UNC5D: variants seen among roughly 807,000 people sequenced by gnomAD.
UNC5D encodes the protein netrin receptor UNC5D.
Under a neutral mutation model 105.4 loss-of-function variants are expected in UNC5D, and 39 were observed. That is an observed-to-expected ratio of 0.37 (90% CI 0.29 to 0.48). The LOEUF is 0.48. Among genes scored for constraint, UNC5D ranks in the 20% least tolerant of loss-of-function variants. The probability of loss-of-function intolerance (pLI) is 0.98; values close to 1 mark genes in which losing one functional copy is unlikely to be tolerated. For missense variants in UNC5D, 991 were observed against 1,202.4 expected, an observed-to-expected ratio of 0.82 and a Z score of 2.60; for synonymous variants, 452 against 450.4, an observed-to-expected ratio of 1.00 and a Z score of -0.04.
Position 35,528,059 on chromosome 8 carries a change from T to C in UNC5D, c.104-21233T>C, listed in dbSNP as rs868099649. 3.7e-3 allele frequency among the ~76,000 whole-genome samples: 556 copies of C among 151,264 alleles called. 2 individuals carry two copies. Among genetic ancestry groups the C allele is most frequent in the African/African-American group, 0.013 (526 of 41,132 alleles). ...AGCTGGTTTTTTTTTTTTTTTTTTTTTTATACTTTAAGTTTTAGGGTACAT... is the reference window on the plus strand; with the variant it reads ...AGCTGGTTTTTTTTTTTTTTTTTTTCTTATACTTTAAGTTTTAGGGTACAT... On this transcript the variant is annotated intron_variant, in intron 1 of 16. Coordinates refer to ENST00000404895, the MANE Select transcript of UNC5D (RefSeq NM_080872.4).
chr8:35,546,790 T>A (rs937565237), intron 1 of UNC5D, among the ~76,000 whole-genome samples: 3 of 151,442 alleles, frequency 2.0e-5, no homozygotes, highest in Non-Finnish European at 4.4e-5. Context: ...ATTTTAAATA[T>A]AATTAAAATA....
chr8:35,668,358 A>ATATT (rs1213483073), intron 4 of UNC5D, among the ~76,000 whole-genome samples: 1 of 152,138 alleles, frequency 6.6e-6, no homozygotes, highest in East Asian at 1.9e-4. Flanking sequence ...AATGCAGAAT[A>ATATT]TATTTAATAT....
intron 1 of UNC5D, among the ~76,000 whole-genome samples, chr8:35,422,694 T>C (rs1032383231): frequency 6.6e-6 from 1 of 152,174 alleles, no homozygotes; most frequent in Admixed American, 6.5e-5. Context: ...ATCATAGTAA[T>C]GGAGAAAAGG....
chr8:35,748,386 G>A, intron 11 of UNC5D, 141 bp from the exon 12 acceptor site: 1 of 839,976 alleles, frequency 1.2e-6, no homozygotes, highest in African/African-American at 1.7e-5. Context: ...TTGTTCTCCA[G>A]ACCAGTCCTT....
Position 35,726,120 on chromosome 8 carries a change from T to C in UNC5D, c.1304-32T>C, listed in dbSNP as rs73584880. On this transcript the variant is annotated intron_variant, in intron 9 of 16. Coordinates refer to ENST00000404895, the MANE Select transcript of UNC5D (RefSeq NM_080872.4). ...AGGAGTAACTGAGATGCCTTTTAGT[T>C]TCTGAGTGACAGATCAATTTTCTTT... The C allele has an allele frequency of 5.3e-3, 8,455 of 1,584,852 alleles. 434 individuals are homozygous for C. In the African/African-American group the frequency reaches 0.1, roughly 19 times the overall value.
chr8:35,595,488 C>T, intron 3 of UNC5D, 66 bp from the exon 4 acceptor site: 8 of 1,470,158 alleles, frequency 5.4e-6, no homozygotes, highest in South Asian at 4.6e-5. Context: ...TTTTTTTGTA[C>T]TTGGACCAAA....
Position 35,654,285 on chromosome 8 carries a change from G to T in UNC5D, c.571-29262G>T, listed in dbSNP as rs576581475. ...TTTTGGAGAATAGACTTTGGGTGAA[G>T]AACTCTTGAGAAAGACGTTTGGTTT... On this transcript the variant is annotated intron_variant, in intron 4 of 16. Transcript: ENST00000404895. Among the ~76,000 whole-genome samples, 9 of 152,298 alleles carry T rather than the reference G, an allele frequency of 5.9e-5. No individual in the cohort carries two copies. In the South Asian group the frequency reaches 1.9e-3, roughly 32 times the overall value.
chr8:35,723,943 A>T (rs2131543779), intron 9 of UNC5D, among the ~76,000 whole-genome samples: 1 of 152,034 alleles, frequency 6.6e-6, no homozygotes, highest in African/African-American at 2.4e-5. Context: ...GTAACATTCA[A>T]CTCAAAGTGT....
chr8:35,620,847 G>C (rs1473314523), intron 4 of UNC5D, among the ~76,000 whole-genome samples: 1 of 152,184 alleles, frequency 6.6e-6, no homozygotes, highest in African/African-American at 2.4e-5. Flanking sequence ...TGCTATCAAA[G>C]ACAGTCTTCT....
At chr8:35,424,534 T>C (rs1339444820) in intron 1 of UNC5D, among the ~76,000 whole-genome samples, 2 of 152,236 alleles carry the variant, frequency 1.3e-5, no homozygotes, top group Non-Finnish European at 2.9e-5. Flanking sequence ...TGTGTGTTTC[T>C]TGTGTCAGCT....
intron 1 of UNC5D, among the ~76,000 whole-genome samples, chr8:35,318,380 A>T (rs887286336): frequency 2.0e-5 from 3 of 152,134 alleles, no homozygotes; most frequent in Admixed American, 2.0e-4. Flanking sequence ...AAGTGAGAAC[A>T]TGATAAATAC....
chr8:35,715,028 G>A (rs1278012852), intron 8 of UNC5D, among the ~76,000 whole-genome samples: 1 of 152,174 alleles, frequency 6.6e-6, no homozygotes, highest in African/African-American at 2.4e-5. Context: ...GCGCATGCCT[G>A]TAATTCCAGC....
intron 4 of UNC5D, among the ~76,000 whole-genome samples, chr8:35,601,609 T>C (rs988947362): frequency 2.6e-5 from 4 of 152,216 alleles, no homozygotes; most frequent in Non-Finnish European, 5.9e-5. Flanking sequence ...TTGTCTGTTA[T>C]TGGTGTATAA....
rs544414636 is a variant in UNC5D, at chr8:35,794,532, A to ATGCTT, written c.*3971_*3975dup. 2.0e-5 allele frequency: 3 copies of ATGCTT among 152,638 alleles called. No homozygotes were observed. Among genetic ancestry groups the ATGCTT allele is most frequent in the Non-Finnish European group, 4.4e-5 (3 of 68,044 alleles). 9.5% of individuals were successfully genotyped at this position (152,638 alleles called of 1,614,324 possible). ...GCCATAGTGCTGTATTTGAAAATCG[A>ATGCTT]TGCTTTAGCCAAAAGCTGAATGACC... On this transcript the variant is annotated 3_prime_UTR_variant, in exon 17 of 17. Coordinates refer to ENST00000404895, the MANE Select transcript of UNC5D (RefSeq NM_080872.4).
At chr8:35,583,219 G>A (rs1488003466) in intron 3 of UNC5D, among the ~76,000 whole-genome samples, 3 of 152,114 alleles carry the variant, frequency 2.0e-5, no homozygotes, top group South Asian at 2.1e-4. Flanking sequence ...CAGGCTTGAT[G>A]GCATGTGCCT....
intron 4 of UNC5D, among the ~76,000 whole-genome samples, chr8:35,648,302 T>C (rs980347303): frequency 9.2e-5 from 14 of 152,176 alleles, no homozygotes; most frequent in African/African-American, 2.7e-4. Flanking sequence ...GTTCATTTTA[T>C]GATTGTTAAC....
At chr8:35,621,575 A>C (rs1821361994) in intron 4 of UNC5D, among the ~76,000 whole-genome samples, 1 of 152,152 alleles carries the variant, frequency 6.6e-6, no homozygotes, top group Admixed American at 6.5e-5. Context: ...AGTATGGTGA[A>C]GGCTTAAGTT....
At chr8:35,296,148 T>A (rs4641063) in intron 1 of UNC5D, among the ~76,000 whole-genome samples, 134,603 of 152,202 alleles carry the variant, frequency 0.88, 59,642 homozygotes, top group East Asian at 1. Context: ...CCTCTTTGAG[T>A]TATTCCTTTT....
intron 3 of UNC5D, among the ~76,000 whole-genome samples, chr8:35,570,501 T>G (rs1004623230): frequency 8.2e-4 from 125 of 152,322 alleles, no homozygotes; most frequent in African/African-American, 2.9e-3. Context: ...CCACCATCTT[T>G]CATTTGCAGG....
Sources: gnomAD v4.1 joint callset for allele counts (sites outside exome capture counted in the v4.1 genomes callset) on GRCh38, gnomAD v4.1.1 for gene constraint, MANE v1.5 for transcripts, NCBI Gene and HGNC (gene_info 2026-07-23, HGNC 2026-07-21) for gene names.